FBXL17: variants seen among roughly 807,000 people sequenced by gnomAD.
FBXL17 encodes the protein F-box and leucine rich repeat protein 17.
In FBXL17, 22 loss-of-function variants were observed where a neutral mutation model predicts 66.2. That is an observed-to-expected ratio of 0.33 (90% CI 0.24 to 0.47). The LOEUF is 0.47. Among genes scored for constraint, FBXL17 ranks in the 20% least tolerant of loss-of-function variants. The pLI, the probability that FBXL17 is intolerant of heterozygous loss-of-function variation, is 1.00. For missense variants in FBXL17, 878 were observed against 948.2 expected, an observed-to-expected ratio of 0.93 and a Z score of 0.97; for synonymous variants, 474 against 400.5, an observed-to-expected ratio of 1.18 and a Z score of -2.19.
chr5:108,302,253 A>G (rs1433864085), intron 4 of FBXL17, among the ~76,000 whole-genome samples: 1 of 151,884 alleles, frequency 6.6e-6, no homozygotes, highest in Non-Finnish European at 1.5e-5. Context: ...AGTCAAAAAT[A>G]CTTCCATGAA....
chr5:107,940,036 T>C (rs967069807), intron 7 of FBXL17, among the ~76,000 whole-genome samples: 1 of 152,160 alleles, frequency 6.6e-6, no homozygotes, highest in African/African-American at 2.4e-5. Context: ...CCACTCTGAC[T>C]AGCATCTCAT....
intron 3 of FBXL17, among the ~76,000 whole-genome samples, chr5:108,360,837 C>T (rs1307001055): frequency 6.6e-6 from 1 of 152,070 alleles, no homozygotes; most frequent in Admixed American, 6.6e-5. Context: ...CTTCTTTCTT[C>T]CACCTGCTCA....
At chr5:108,018,169 T>C (rs777961149) in intron 7 of FBXL17, among the ~76,000 whole-genome samples, 14 of 152,066 alleles carry the variant, frequency 9.2e-5, no homozygotes, top group Non-Finnish European at 2.1e-4. Context: ...GGAAGCAGAA[T>C]CATGGGGTAG....
chr5:108,056,011 T>C (rs545793862), intron 6 of FBXL17, among the ~76,000 whole-genome samples: 1 of 152,332 alleles, frequency 6.6e-6, no homozygotes, highest in Non-Finnish European at 1.5e-5. Flanking sequence ...TTTGATGTAA[T>C]ACATGGAAAA....
At chr5:108,061,816 G>T (rs956896172) in intron 6 of FBXL17, among the ~76,000 whole-genome samples, 2 of 151,270 alleles carry the variant, frequency 1.3e-5, no homozygotes, top group Admixed American at 1.3e-4. Context: ...CATGACTTTT[G>T]TTGTTACAGG....
At chr5:108,214,398 C>T (rs1216928414) in intron 5 of FBXL17, among the ~76,000 whole-genome samples, 3 of 145,964 alleles carry the variant, frequency 2.1e-5, no homozygotes, top group Non-Finnish European at 4.5e-5. Context: ...GACAGAGTCT[C>T]ACTCTGTCGC....
At chr5:107,913,465 T>C (rs900963059) in intron 7 of FBXL17, among the ~76,000 whole-genome samples, 3 of 152,000 alleles carry the variant, frequency 2.0e-5, no homozygotes, top group African/African-American at 4.8e-5. Context: ...GAAGAGACAG[T>C]GGTGATGTGG....
intron 6 of FBXL17, among the ~76,000 whole-genome samples, chr5:108,110,856 C>A (rs1223678352): frequency 2.0e-5 from 3 of 152,096 alleles, no homozygotes; most frequent in Non-Finnish European, 4.4e-5. Flanking sequence ...ATTAGGATGG[C>A]ATTTGATTTT....
At chr5:107,983,255 G>A (rs1752891393) in intron 7 of FBXL17, among the ~76,000 whole-genome samples, 1 of 152,094 alleles carries the variant, frequency 6.6e-6, no homozygotes, top group African/African-American at 2.4e-5. Context: ...TACGTCGCAG[G>A]ATCATAGCTC....
Position 108,095,628 on chromosome 5 carries a change from G to T in FBXL17, c.1746-74627C>A, listed in dbSNP as rs1284125575. 7.9e-5 allele frequency among the ~76,000 whole-genome samples: 12 copies of T among 152,038 alleles called. No homozygotes were observed. In the East Asian group the frequency reaches 2.3e-3, roughly 29 times the overall value. ...CTTCAACAAATCTTAACAATATTTG[G>T]TGTATTAGGAACATATAATGTGTTA... On this transcript the variant is annotated intron_variant, in intron 6 of 8. Coordinates refer to ENST00000542267, the MANE Select transcript of FBXL17 (RefSeq NM_001163315.3).
At chr5:108,278,723 C>T (rs1473700552) in intron 4 of FBXL17, among the ~76,000 whole-genome samples, 1 of 152,176 alleles carries the variant, frequency 6.6e-6, no homozygotes, top group Non-Finnish European at 1.5e-5. Flanking sequence ...AGGTTTGACC[C>T]CACCCTCCCT....
At chr5:108,156,287 T>C (rs190367440) in intron 6 of FBXL17, among the ~76,000 whole-genome samples, 3 of 152,038 alleles carry the variant, frequency 2.0e-5, no homozygotes, top group Admixed American at 1.3e-4. Flanking sequence ...AGGTGTTCAG[T>C]ATACATATAT....
intron 6 of FBXL17, among the ~76,000 whole-genome samples, chr5:108,047,552 G>T (rs73206564): frequency 6.6e-6 from 1 of 152,180 alleles, no homozygotes; most frequent in Non-Finnish European, 1.5e-5. Flanking sequence ...CTCCCTGGGT[G>T]GGGGAAGGAT....
intron 1 of FBXL17, among the ~76,000 whole-genome samples, chr5:108,374,236 A>AT (rs1749266442): frequency 6.6e-6 from 1 of 152,240 alleles, no homozygotes; most frequent in African/African-American, 2.4e-5. Context: ...ACAAAATAGA[A>AT]TACACATTCT....
At chr5:108,092,957 A>G (rs188626930) in intron 6 of FBXL17, among the ~76,000 whole-genome samples, 13 of 152,328 alleles carry the variant, frequency 8.5e-5, no homozygotes, top group Non-Finnish European at 1.5e-4. Flanking sequence ...AATGTGTGAA[A>G]TAATTACACA....
chr5:107,867,805 C>T (rs1748319324), intron 8 of FBXL17, among the ~76,000 whole-genome samples: 1 of 152,082 alleles, frequency 6.6e-6, no homozygotes, highest in Admixed American at 6.6e-5. Flanking sequence ...TATCTGGTGC[C>T]TCAGGAGCAT....
At chr5:108,186,597 C>A (rs1753244382) in intron 5 of FBXL17, among the ~76,000 whole-genome samples, 1 of 151,758 alleles carries the variant, frequency 6.6e-6, no homozygotes, top group African/African-American at 2.4e-5. Flanking sequence ...TGGTGAAACC[C>A]CATCTCTACT....
chr5:107,881,593 T>A (rs948929102), intron 7 of FBXL17, among the ~76,000 whole-genome samples: 4 of 152,156 alleles, frequency 2.6e-5, no homozygotes, highest in Admixed American at 2.6e-4. Context: ...TTTTGAGGAG[T>A]GTTATACTGC....
At chr5:107,900,342 G>A (rs541709441) in intron 7 of FBXL17, among the ~76,000 whole-genome samples, 4 of 151,980 alleles carry the variant, frequency 2.6e-5, no homozygotes, top group Non-Finnish European at 5.9e-5. Flanking sequence ...TATTTTTCAG[G>A]TCAAGAGAGA....
Sources: allele counts gnomAD v4.1 joint callset (sites outside exome capture counted in the v4.1 genomes callset), GRCh38; gene constraint gnomAD v4.1.1; transcripts MANE v1.5; gene names NCBI Gene and HGNC (gene_info 2026-07-23, HGNC 2026-07-21).